SDCCAG8: variants seen among roughly 807,000 people sequenced by gnomAD.
SDCCAG8 encodes SHH signaling and ciliogenesis regulator SDCCAG8, also known as serologically defined colon cancer antigen 8.
SDCCAG8 carries 74 observed loss-of-function variants against 101.8 expected under a neutral mutation model. That is an observed-to-expected ratio of 0.73 (90% CI 0.60 to 0.88). The LOEUF is 0.88. SDCCAG8 is among the 40% of genes least tolerant of loss of function. The probability of loss-of-function intolerance (pLI) is 0.00; values close to 1 mark genes in which losing one functional copy is unlikely to be tolerated. For synonymous variants in SDCCAG8, 281 were observed against 292.9 expected (o/e 0.96, Z 0.41); for missense variants, 787 against 822.6 (o/e 0.96, Z 0.53).
intron 16 of SDCCAG8, among the ~76,000 whole-genome samples, chr1:243,470,452 TAGG>T (rs947600028): frequency 2.0e-5 from 3 of 152,114 alleles, no homozygotes; most frequent in African/African-American, 7.2e-5. Context: ...TTTCAGTCAT[TAGG>T]AGAGTAGAAT....
chr1:243,323,805 C>T (rs2073945082), intron 9 of SDCCAG8, among the ~76,000 whole-genome samples: 1 of 152,212 alleles, frequency 6.6e-6, no homozygotes, highest in African/African-American at 2.4e-5. Context: ...CCTCATTGGA[C>T]TTAAACTCTA....
At position 243,458,142 on chromosome 1, in the gene SDCCAG8, G is replaced by T. The variant is rs901274681; in HGVS notation, c.1986-30872G>T. ...AGTTACTAATTTTAGAAGTGTTCTC[G>T]TGAAGACATCTGACTACTCAGCACA... On this transcript the variant is annotated intron_variant, in intron 16 of 17. Coordinates refer to ENST00000366541, the MANE Select transcript of SDCCAG8 (RefSeq NM_006642.5). This position sits in a 1 kb window ranked among gnomAD's most constrained non-coding sequence, Gnocchi z 4.5. 1.3e-5 allele frequency among the ~76,000 whole-genome samples: 2 copies of T among 152,136 alleles called. No homozygotes were observed. Among genetic ancestry groups the T allele is most frequent in the African/African-American group, 4.8e-5 (2 of 41,442 alleles).
rs191176327 is a variant in SDCCAG8, at chr1:243,367,350, T to C, written c.1474-11371T>C. On this transcript the variant is annotated intron_variant, in intron 12 of 17. Coordinates refer to ENST00000366541, the MANE Select transcript of SDCCAG8 (RefSeq NM_006642.5). ...TTTGAAAGAAGCAACTCCAGGTTTA[T>C]TTTTGATTTGAATACAGCTAGTGTA... Among the ~76,000 whole-genome samples the C allele has an allele frequency of 1.2e-4, 18 of 152,336 alleles. No individual in the cohort carries two copies. The East Asian group carries it at 2.5e-3, about 21-fold the overall frequency.
At chr1:243,344,098 A>G in intron 11 of SDCCAG8, 117 bp from the exon 12 acceptor site, 1 of 799,972 alleles carries the variant, frequency 1.3e-6, no homozygotes, top group Non-Finnish European at 2.2e-6. Flanking sequence ...TGGCATTCTT[A>G]GAAAAGTTTT....
intron 4 of SDCCAG8, among the ~76,000 whole-genome samples, chr1:243,277,108 G>C (rs1487152252): frequency 6.6e-6 from 1 of 152,182 alleles, no homozygotes; most frequent in African/African-American, 2.4e-5. Context: ...GCTACTGTAA[G>C]CATTTGTGTG....
chr1:243,337,791 C>A (rs2075113566), intron 10 of SDCCAG8, among the ~76,000 whole-genome samples: 1 of 152,130 alleles, frequency 6.6e-6, no homozygotes, highest in Non-Finnish European at 1.5e-5. Flanking sequence ...TTAGTAAAAG[C>A]AGACAGACTT....
chr1:243,415,931 C>G, intron 14 of SDCCAG8, 102 bp downstream of exon 14: 2 of 1,409,252 alleles, frequency 1.4e-6, no homozygotes, highest in Admixed American at 2.2e-5. Flanking sequence ...TTTGGCTGGC[C>G]GAAGGGAGCA....
At chr1:243,287,185 T>C (rs1376333911) in intron 5 of SDCCAG8, among the ~76,000 whole-genome samples, 1 of 152,236 alleles carries the variant, frequency 6.6e-6, no homozygotes, top group Non-Finnish European at 1.5e-5. Flanking sequence ...AGAGTACTTT[T>C]GTCTTAAACT....
intron 10 of SDCCAG8, among the ~76,000 whole-genome samples, chr1:243,337,585 A>G (rs1384108689): frequency 6.6e-6 from 1 of 152,238 alleles, no homozygotes; most frequent in African/African-American, 2.4e-5. Context: ...CAATTCACTT[A>G]ACCTCTCTAA....
intron 16 of SDCCAG8, among the ~76,000 whole-genome samples, chr1:243,481,737 T>C (rs937112883): frequency 6.6e-6 from 1 of 152,144 alleles, no homozygotes; most frequent in Non-Finnish European, 1.5e-5. Context: ...GGGAGGAGGC[T>C]CTGGTCTGAA....
chr1:243,293,732 A>T (rs1463999593), intron 6 of SDCCAG8, among the ~76,000 whole-genome samples: 2 of 152,214 alleles, frequency 1.3e-5, no homozygotes, highest in Non-Finnish European at 2.9e-5. Context: ...ATGAATAATT[A>T]TGCTGTGAAC....
At chr1:243,307,052 T>G (rs1362066155) in intron 7 of SDCCAG8, among the ~76,000 whole-genome samples, 1 of 147,842 alleles carries the variant, frequency 6.8e-6, no homozygotes, top group Non-Finnish European at 1.5e-5. Flanking sequence ...AGCTAGAAAG[T>G]TTTTTTTTGT....
intron 16 of SDCCAG8, among the ~76,000 whole-genome samples, chr1:243,457,354 A>T (rs549225497): frequency 6.6e-6 from 1 of 152,208 alleles, no homozygotes; most frequent in Non-Finnish European, 1.5e-5. Flanking sequence ...TCGGTTTTAG[A>T]TCCAAAGCAT....
chr1:243,384,269 A>G (rs2078136632), intron 13 of SDCCAG8, among the ~76,000 whole-genome samples: 1 of 152,214 alleles, frequency 6.6e-6, no homozygotes. Flanking sequence ...TCAGTAAGTC[A>G]TTAATGAAAA....
chr1:243,267,822 G>A, intron 1 of SDCCAG8: 2 of 856,166 alleles, frequency 2.3e-6, no homozygotes, highest in South Asian at 1.3e-5. Flanking sequence ...GTTATACAAG[G>A]GATACACTTG....
intron 17 of SDCCAG8, among the ~76,000 whole-genome samples, chr1:243,490,912 C>G (rs1307480462): frequency 6.6e-6 from 1 of 152,252 alleles, no homozygotes; most frequent in Non-Finnish European, 1.5e-5. Context: ...TTAGGCCTGG[C>G]CAGCCAAAGA....
chr1:243,331,321 A>G (rs2074576265), intron 10 of SDCCAG8, among the ~76,000 whole-genome samples: 1 of 152,224 alleles, frequency 6.6e-6, no homozygotes, highest in Non-Finnish European at 1.5e-5. Context: ...CTAGACTCGA[A>G]TTGAGCAAGT....
At chr1:243,274,441 T>C (rs1249451200) in intron 3 of SDCCAG8, 102 bp from the exon 4 acceptor site, 1 of 683,676 alleles carries the variant, frequency 1.5e-6, no homozygotes, top group Non-Finnish European at 2.6e-6. Flanking sequence ...AAATTGAGTA[T>C]GGAGAAGGTA....
At chr1:243,349,061 A>G (rs2075932421) in intron 12 of SDCCAG8, among the ~76,000 whole-genome samples, 2 of 152,314 alleles carry the variant, frequency 1.3e-5, no homozygotes, top group African/African-American at 4.8e-5. Context: ...ATTTCAAGAC[A>G]TTGACCACAG....
Sources: gnomAD v4.1 joint callset for allele counts (sites outside exome capture counted in the v4.1 genomes callset) on GRCh38, gnomAD v4.1.1 for gene constraint, Gnocchi (gnomAD v3.1) non-coding constraint, MANE v1.5 for transcripts, NCBI Gene and HGNC (gene_info 2026-07-23, HGNC 2026-07-21) for gene names.